DSCAML1: variants seen among roughly 807,000 people sequenced by gnomAD.
DSCAML1 encodes the protein DS cell adhesion molecule like 1, also known as cell adhesion molecule DSCAML1.
A neutral mutation model predicts 200.5 loss-of-function variants in DSCAML1; 38 were observed. The ratio of observed to expected loss-of-function variants is 0.19; its 90% CI spans 0.15 to 0.25. DSCAML1 has a LOEUF of 0.25. DSCAML1 is among the 10% of genes least tolerant of loss of function. The pLI is 1.00. For synonymous variants in DSCAML1, 1,215 were observed against 1,165.0 expected (o/e 1.04, Z -0.87); for missense variants, 2,223 against 2,858.8 (o/e 0.78, Z 5.07).
chr11:117,627,770 T>C (rs77416199), intron 3 of DSCAML1, among the ~76,000 whole-genome samples: 17,311 of 152,096 alleles, frequency 0.11, 1,189 homozygotes, highest in African/African-American at 0.18. Flanking sequence ...GCGGCTGAGC[T>C]GGGATGGGCA....
rs1323109379 is a variant in DSCAML1 at position 117,489,235 on chromosome 11, T to G, written c.2360-7073A>C. ...GCGGGGCAGCTGCAGCAGGTACTCC[T>G]GGGGCAGGCAGTGGGGACTGCTGCT... On this transcript the variant is annotated intron_variant, in intron 11 of 32. Coordinates refer to ENST00000651296, the MANE Select transcript of DSCAML1 (RefSeq NM_020693.4). The surrounding 1 kb of genome is among the most constrained non-coding windows in gnomAD (Gnocchi z 4.8). 2.0e-5 allele frequency among the ~76,000 whole-genome samples: 3 copies of G among 152,120 alleles called. No individual in the cohort carries two copies. The highest frequency in any genetic ancestry group is 2.0e-4 in the Admixed American group (3 of 15,274).
At chr11:117,576,697 C>A (rs1021826405) in intron 3 of DSCAML1, among the ~76,000 whole-genome samples, 1 of 152,094 alleles carries the variant, frequency 6.6e-6, no homozygotes, top group South Asian at 2.1e-4. Flanking sequence ...ACAAGGGACT[C>A]TTTTCTTTTT....
intron 3 of DSCAML1, among the ~76,000 whole-genome samples, chr11:117,566,854 T>C (rs1232569499): frequency 1.3e-5 from 2 of 151,626 alleles, no homozygotes; most frequent in Non-Finnish European, 2.9e-5. Flanking sequence ...TTGCGATAGT[T>C]TACTGAGAAT....
At chr11:117,753,549 T>C (rs2054635911) in intron 3 of DSCAML1, among the ~76,000 whole-genome samples, 1 of 152,220 alleles carries the variant, frequency 6.6e-6, no homozygotes, top group Admixed American at 6.5e-5. Context: ...TGAGCAGGGA[T>C]AGCAACCTCA....
chr11:117,700,208 G>T (rs960427623), intron 3 of DSCAML1, among the ~76,000 whole-genome samples: 4 of 152,226 alleles, frequency 2.6e-5, no homozygotes, highest in African/African-American at 7.2e-5. Context: ...CATCATAACA[G>T]TGCTCTACAA....
At chr11:117,586,910 A>G (rs2051155207) in intron 3 of DSCAML1, among the ~76,000 whole-genome samples, 1 of 152,198 alleles carries the variant, frequency 6.6e-6, no homozygotes, top group Non-Finnish European at 1.5e-5. Flanking sequence ...GCTGAGGCCA[A>G]GTTGGCTTTT....
intron 21 of DSCAML1, 106 bp from the exon 22 acceptor site, chr11:117,440,042 G>C: frequency 2.1e-6 from 2 of 954,154 alleles, no homozygotes; most frequent in Non-Finnish European, 3.3e-6. Context: ...CTCCCTCCCC[G>C]ATCTGACCTC....
intron 27 of DSCAML1, 119 bp from the exon 28 acceptor site, chr11:117,433,590 C>A: frequency 9.2e-7 from 1 of 1,081,362 alleles, no homozygotes; most frequent in East Asian, 2.6e-5. Context: ...GGGCTGGTCT[C>A]CTAAGAAGCA....
rs2048553973 is a variant in DSCAML1, at chr11:117,465,112, C to T, written c.3095G>A (p.Gly1032Asp). Reference sequence around the variant, plus strand: ...CACGATGCTGTACTGCCCGTTGCTGCCGGGGCTGTTCTCTCTGTAGCCAAT... The same window carrying T: ...CACGATGCTGTACTGCCCGTTGCTGTCGGGGCTGTTCTCTCTGTAGCCAAT... ...YQIGYRENSP[G>D]SNGQYSIVEM... The change falls in exon 17 of 33, where the codon GGC becomes GAC. Residue 1032 changes from glycine to aspartate, a missense_variant. Gly to Asp is a moderately conservative substitution (Grantham distance 94). This residue lies in a region of DSCAML1 where 438 missense variants were observed against 629.7 expected (regional missense o/e 0.70). Coordinates refer to ENST00000651296, the MANE Select transcript of DSCAML1 (RefSeq NM_020693.4). The T allele has an allele frequency of 4.3e-6, 7 of 1,614,026 alleles. No individual in the cohort carries two copies. Among genetic ancestry groups the T allele is most frequent in the African/African-American group, 1.3e-5 (1 of 74,918 alleles).
chr11:117,733,347 C>A (rs2054258466), intron 3 of DSCAML1, among the ~76,000 whole-genome samples: 2 of 152,168 alleles, frequency 1.3e-5, no homozygotes, highest in Admixed American at 1.3e-4. Context: ...CCCGAAGAAT[C>A]CCTGGTGCAG....
intron 3 of DSCAML1, chr11:117,611,842 A>G (rs2051700339): frequency 2.0e-5 from 3 of 152,348 alleles, no homozygotes; most frequent in South Asian, 4.1e-4. Flanking sequence ...CCTTTAAGAT[A>G]CACTGTATCT....
At chr11:117,474,553 G>C (rs189099382) in intron 14 of DSCAML1, among the ~76,000 whole-genome samples, 25 of 152,198 alleles carry the variant, frequency 1.6e-4, no homozygotes, top group African/African-American at 5.1e-4. Flanking sequence ...CAAGTTTTTA[G>C]TTGACGGCTC....
intron 3 of DSCAML1, among the ~76,000 whole-genome samples, chr11:117,701,133 G>A (rs749870684): frequency 3.9e-4 from 59 of 152,264 alleles, no homozygotes; most frequent in Admixed American, 2.5e-3. Context: ...GGGCATGGTG[G>A]CGTGCACCTG....
chr11:117,701,150 C>T (rs141982872), intron 3 of DSCAML1, among the ~76,000 whole-genome samples: 9,083 of 152,138 alleles, frequency 0.06, 888 homozygotes, highest in African/African-American at 0.2. Context: ...CCTGTAATCC[C>T]AGCTACCCAG....
chr11:117,552,390 C>G (rs993670652), intron 3 of DSCAML1, among the ~76,000 whole-genome samples: 2 of 152,112 alleles, frequency 1.3e-5, no homozygotes, highest in African/African-American at 2.4e-5. Flanking sequence ...CTGCAAAGCA[C>G]TTTCCTGTCC....
At chr11:117,438,544 G>C (rs1362376155) in intron 24 of DSCAML1, among the ~76,000 whole-genome samples, 3 of 151,778 alleles carry the variant, frequency 2.0e-5, no homozygotes, top group Non-Finnish European at 4.4e-5. Flanking sequence ...TTGTTACAAG[G>C]CCCCTTGGTG....
chr11:117,499,955 C>T (rs1027953664), intron 11 of DSCAML1, among the ~76,000 whole-genome samples: 1 of 152,240 alleles, frequency 6.6e-6, no homozygotes, highest in East Asian at 1.9e-4. Context: ...AGCTTAGTGT[C>T]AAGAGTCAAC....
chr11:117,651,720 A>T (rs2052637042), intron 3 of DSCAML1, among the ~76,000 whole-genome samples: 2 of 145,824 alleles, frequency 1.4e-5, no homozygotes, highest in African/African-American at 5.5e-5. Context: ...TCAAAAAAAA[A>T]AAAAAAAAAA....
chr11:117,711,350 C>G (rs749227971), intron 3 of DSCAML1, among the ~76,000 whole-genome samples: 2 of 152,186 alleles, frequency 1.3e-5, no homozygotes, highest in African/African-American at 2.4e-5. Flanking sequence ...TCCCGTTTTA[C>G]AGAAGAGAAA....
Sources: allele counts gnomAD v4.1 joint callset (sites outside exome capture counted in the v4.1 genomes callset), GRCh38; gene constraint gnomAD v4.1.1; regional missense constraint gnomAD v4.1.1; non-coding constraint Gnocchi (gnomAD v3.1); transcripts MANE v1.5; gene names NCBI Gene and HGNC (gene_info 2026-07-23, HGNC 2026-07-21).